FAAH2: variants seen among roughly 807,000 people sequenced by gnomAD.
FAAH2 encodes the protein fatty-acid amide hydrolase 2.
Under a neutral mutation model 36.9 loss-of-function variants are expected in FAAH2, and 60 were observed. The ratio of observed to expected loss-of-function variants is 1.63; its 90% CI spans 1.32 to 2.02. FAAH2 has a LOEUF of 2.02. Ranked by LOEUF, FAAH2 falls within the 30% of genes most tolerant of loss-of-function variation. FAAH2 has a pLI of 0.00. For missense variants in FAAH2, 689 were observed against 397.5 expected, an observed-to-expected ratio of 1.73 and a Z score of -6.23; for synonymous variants, 214 against 143.8, an observed-to-expected ratio of 1.49 and a Z score of -3.49.
chrX:57,291,577 G>A (rs925023062), intron 1 of FAAH2, among the ~76,000 whole-genome samples: 1 of 111,359 alleles, frequency 9.0e-6, no homozygotes, highest in Non-Finnish European at 1.9e-5. Flanking sequence ...TATGTAATTG[G>A]TTTAATCCTT....
At chrX:57,301,843 A>G (rs1301282074) in intron 2 of FAAH2, among the ~76,000 whole-genome samples, 1 of 111,573 alleles carries the variant, frequency 9.0e-6, no homozygotes, top group African/African-American at 3.3e-5. Context: ...TGTGTAGAAC[A>G]TGATCTGAGA....
At chrX:57,468,541 T>C (rs1421099855) in intron 10 of FAAH2, among the ~76,000 whole-genome samples, 2 of 111,367 alleles carry the variant, frequency 1.8e-5, no homozygotes, top group Non-Finnish European at 3.8e-5. Flanking sequence ...AACAGAAGTT[T>C]ACAGAAAAAA....
chrX:57,327,124 G>T (rs1015896121), intron 3 of FAAH2, among the ~76,000 whole-genome samples: 40 of 106,989 alleles, frequency 3.7e-4, no homozygotes, highest in Non-Finnish European at 6.0e-4. Flanking sequence ...TATATGAAAT[G>T]CTGGGTTGAA....
At chrX:57,220,007 G>T in the FAAH2 span, among the ~76,000 whole-genome samples, 5 of 108,341 alleles carry the variant, frequency 4.6e-5, no homozygotes, top group African/African-American at 1.7e-4. Context: ...TGGAGAAATG[G>T]CAAGAAATTC....
intron 5 of FAAH2, among the ~76,000 whole-genome samples, chrX:57,372,817 C>T (rs1283615761): frequency 9.1e-6 from 1 of 109,928 alleles, no homozygotes; most frequent in Non-Finnish European, 1.9e-5. Flanking sequence ...TTTTGGTGCA[C>T]CCATCACCCG....
intron 5 of FAAH2, among the ~76,000 whole-genome samples, chrX:57,348,045 A>G (rs1602355408): frequency 9.0e-6 from 1 of 110,841 alleles, no homozygotes; most frequent in South Asian, 3.8e-4. Context: ...TCACTAGTGC[A>G]GTGCCTACAT....
At chrX:57,188,562 C>T in the FAAH2 span, among the ~76,000 whole-genome samples, 5 of 110,132 alleles carry the variant, frequency 4.5e-5, no homozygotes, top group East Asian at 1.4e-3. Flanking sequence ...TCATTCAGTT[C>T]TGCTCTAATC....
the FAAH2 span, among the ~76,000 whole-genome samples, chrX:57,219,091 C>T: frequency 2.5e-3 from 280 of 111,645 alleles, no homozygotes; most frequent in African/African-American, 8.9e-3. Context: ...GACACCTACC[C>T]CTGAAGATTG....
chrX:57,299,716 C>A (rs1038215666), intron 2 of FAAH2, among the ~76,000 whole-genome samples: 3 of 111,761 alleles, frequency 2.7e-5, no homozygotes, highest in Non-Finnish European at 3.8e-5. Flanking sequence ...CCCATCATCT[C>A]AGCCCAAAAT....
chrX:57,245,564 G>A, the FAAH2 span, among the ~76,000 whole-genome samples: 30 of 112,120 alleles, frequency 2.7e-4, no homozygotes, highest in Non-Finnish European at 2.8e-4. Flanking sequence ...TAGAACTCAG[G>A]ATTAAGAAAC....
At chrX:57,316,686 T>A (rs1476867945) in intron 3 of FAAH2, among the ~76,000 whole-genome samples, 1 of 111,432 alleles carries the variant, frequency 9.0e-6, no homozygotes, top group African/African-American at 3.3e-5. Flanking sequence ...GAAGACTGAA[T>A]CTACACTCTT....
intron 2 of FAAH2, among the ~76,000 whole-genome samples, chrX:57,305,164 A>G (rs2052486747): frequency 9.1e-6 from 1 of 109,377 alleles, no homozygotes; most frequent in Non-Finnish European, 1.9e-5. Flanking sequence ...AACACTGATA[A>G]CTCCTGGAAC....
chrX:57,444,042 A>G (rs2056621827), intron 8 of FAAH2, among the ~76,000 whole-genome samples: 1 of 112,098 alleles, frequency 8.9e-6, no homozygotes, highest in East Asian at 2.8e-4. Context: ...TCTCCCAGTT[A>G]GGCTACCTGG....
At chrX:57,479,247 G>A (rs2057332140) in intron 10 of FAAH2, among the ~76,000 whole-genome samples, 1 of 111,429 alleles carries the variant, frequency 9.0e-6, no homozygotes, top group African/African-American at 3.3e-5. Flanking sequence ...TCTCTTTGAA[G>A]CAATTGTGAA....
At chrX:57,388,422 T>A (rs1299292012) in intron 7 of FAAH2, among the ~76,000 whole-genome samples, 1 of 111,339 alleles carries the variant, frequency 9.0e-6, no homozygotes, top group Admixed American at 9.5e-5. Flanking sequence ...ACCTTACTTT[T>A]ACCTATTTTG....
chrX:57,168,564 A>T, the FAAH2 span, among the ~76,000 whole-genome samples: 1 of 112,014 alleles, frequency 8.9e-6, no homozygotes, highest in Non-Finnish European at 1.9e-5. Flanking sequence ...TGTAACCTCC[A>T]ATTCAAACAG....
chrX:57,468,037 C>T (rs2057084002), intron 10 of FAAH2, among the ~76,000 whole-genome samples: 1 of 111,992 alleles, frequency 8.9e-6, no homozygotes, highest in Non-Finnish European at 1.9e-5. Flanking sequence ...AGCTGATGGT[C>T]TACGCTGTTA....
At chrX:57,229,694 A>G in the FAAH2 span, among the ~76,000 whole-genome samples, 1 of 111,048 alleles carries the variant, frequency 9.0e-6, no homozygotes, top group Non-Finnish European at 1.9e-5. Flanking sequence ...AACTTCTCCT[A>G]TATTTTCTTG....
chrX:57,222,061 C>A, the FAAH2 span, among the ~76,000 whole-genome samples: 14 of 111,351 alleles, frequency 1.3e-4, no homozygotes, highest in East Asian at 3.7e-3. Flanking sequence ...TATGCACCCC[C>A]CTCAGTCACC....
Sources: gnomAD v4.1 joint callset for allele counts (sites outside exome capture counted in the v4.1 genomes callset) on GRCh38, gnomAD v4.1.1 for gene constraint, MANE v1.5 for transcripts, NCBI Gene and HGNC (gene_info 2026-07-23, HGNC 2026-07-21) for gene names.